The following PYROXD1 variants were observed in gnomAD, a reference collection of about 807,000 sequenced individuals.
PYROXD1 encodes the protein tRNA ligase complex-associated NAD(P)H dehydrogenase PYROXD1.
Under a neutral mutation model 62.0 loss-of-function variants are expected in PYROXD1, and 42 were observed. That is an observed-to-expected ratio of 0.68 (90% CI 0.53 to 0.88). PYROXD1 has a LOEUF of 0.88. PYROXD1 is among the 40% of genes least tolerant of loss of function. PYROXD1 has a pLI of 0.00. For missense variants in PYROXD1, 493 were observed against 604.8 expected (o/e 0.82, Z 1.94); for synonymous variants, 170 against 206.4 (o/e 0.82, Z 1.51).
intron 2 of PYROXD1, among the ~76,000 whole-genome samples, chr12:21,444,608 A>G (rs73071793): frequency 0.02 from 3,053 of 152,306 alleles, 37 homozygotes; most frequent in Middle Eastern, 0.051. Flanking sequence ...GATCTATTCT[A>G]TGATCCTTAA....
At chr12:21,456,745 G>A (rs1353860047) in intron 7 of PYROXD1, 12 of 350,904 alleles carry the variant, frequency 3.4e-5, no homozygotes, top group Middle Eastern at 5.4e-4. Context: ...TCTCTGTAGC[G>A]TGCGAAGCTG....
intron 3 of PYROXD1, chr12:21,448,173 C>T: frequency 3.0e-6 from 2 of 665,482 alleles, no homozygotes; most frequent in Non-Finnish European, 5.7e-6. Context: ...TTTCACATAC[C>T]TGGCATCAGG....
chr12:21,463,031 G>A (rs1449247404), intron 10 of PYROXD1, among the ~76,000 whole-genome samples, 169 bp downstream of exon 10: 1 of 152,082 alleles, frequency 6.6e-6, no homozygotes, highest in African/African-American at 2.4e-5. Context: ...TCCCTGTTTG[G>A]TAAGTTATCA....
chr12:21,467,902 TTCATCCTTTCTTTGTGAG>T (rs984931462), intron 11 of PYROXD1, among the ~76,000 whole-genome samples: 6 of 151,954 alleles, frequency 3.9e-5, no homozygotes, highest in African/African-American at 1.5e-4. Context: ...TTACTTGTGA[TTCATCCTTTCTTTGTGAG>T]GGGAACTAAC....
chr12:21,467,923 GAACT>G lies in PYROXD1; in HGVS notation c.1254+310_1254+313del, dbSNP rs980558378. ...GTGATTCATCCTTTCTTTGTGAGGG[GAACT>G]AACTGCTGTTGTACTCAAAAATAAA... On this transcript the variant is annotated intron_variant, in intron 11 of 11. Coordinates refer to ENST00000240651, the MANE Select transcript of PYROXD1 (RefSeq NM_024854.5). Among the ~76,000 whole-genome samples the G allele has an allele frequency of 1.8e-4, 28 of 151,552 alleles. No individual in the cohort carries two copies. In the South Asian group the frequency reaches 5.2e-3, roughly 28 times the overall value.
intron 7 of PYROXD1, 139 bp downstream of exon 7, chr12:21,456,234 C>T (rs113568722): frequency 1.7e-6 from 1 of 590,134 alleles, no homozygotes; most frequent in Non-Finnish European, 3.0e-6. Flanking sequence ...AGGAAAAGAC[C>T]TCCAATGCAG....
chr12:21,443,624 A>G (rs1337478903), intron 2 of PYROXD1, among the ~76,000 whole-genome samples: 1 of 152,222 alleles, frequency 6.6e-6, no homozygotes, highest in Non-Finnish European at 1.5e-5. Flanking sequence ...TATAAATGTT[A>G]TAAAGCCTAT....
chr12:21,449,137 C>T (rs1219189592), intron 3 of PYROXD1, among the ~76,000 whole-genome samples: 1 of 152,108 alleles, frequency 6.6e-6, no homozygotes, highest in African/African-American at 2.4e-5. Context: ...ACAGTAACTT[C>T]CCTTGAGATC....
Position 21,468,501 on chromosome 12 carries a change from T to C in PYROXD1, c.1255-5T>C, listed in dbSNP as rs1186786871. 1.2e-6 allele frequency: 2 copies of C among 1,608,720 alleles called. No homozygotes were observed. Among genetic ancestry groups the C allele is most frequent in the African/African-American group, 2.7e-5 (2 of 74,746 alleles). ...TGACAATAACCTTTTTATCTCTAAA[T>C]ATAGGTTGTACTGCTGGGAAAATAC... is the stretch of plus-strand genomic sequence containing the variant. On this transcript the variant is annotated splice_region_variant and splice_polypyrimidine_tract_variant and intron_variant, in intron 11 of 11. Transcript: ENST00000240651.
chr12:21,466,529 T>C (rs1942797829), intron 10 of PYROXD1, among the ~76,000 whole-genome samples: 1 of 152,234 alleles, frequency 6.6e-6, no homozygotes, highest in African/African-American at 2.4e-5. Flanking sequence ...TCCTGAGACT[T>C]TGCTGAAGTT....
intron 10 of PYROXD1, among the ~76,000 whole-genome samples, chr12:21,465,554 T>C (rs558333629): frequency 1.3e-5 from 2 of 152,218 alleles, no homozygotes; most frequent in South Asian, 4.2e-4. Flanking sequence ...TCATTGTAGA[T>C]TCTGGATATT....
intron 10 of PYROXD1, among the ~76,000 whole-genome samples, chr12:21,464,204 GA>G (rs1172244387): frequency 5.4e-5 from 8 of 147,320 alleles, no homozygotes; most frequent in South Asian, 4.3e-4. Context: ...TAATCTGAAA[GA>G]GGGGAAAAAA....
chr12:21,455,445 A>G (rs988783208), intron 6 of PYROXD1, among the ~76,000 whole-genome samples, 153 bp downstream of exon 6: 1 of 131,388 alleles, frequency 7.6e-6, no homozygotes, highest in African/African-American at 2.8e-5. Context: ...TTTCTATTTT[A>G]TATATATGTA....
chr12:21,443,227 T>C (rs1942328872), intron 2 of PYROXD1, among the ~76,000 whole-genome samples: 1 of 152,216 alleles, frequency 6.6e-6, no homozygotes, highest in Non-Finnish European at 1.5e-5. Flanking sequence ...ATTCTTTTTC[T>C]CCATTTTCCT....
At chr12:21,449,254 A>G (rs763497222) in intron 3 of PYROXD1, among the ~76,000 whole-genome samples, 2 of 152,156 alleles carry the variant, frequency 1.3e-5, no homozygotes, top group Admixed American at 6.5e-5. Context: ...TTCAACCAAC[A>G]TGGGATTCCC....
chr12:21,467,110 T>C (rs1942809361), intron 10 of PYROXD1, among the ~76,000 whole-genome samples: 2 of 152,056 alleles, frequency 1.3e-5, no homozygotes, highest in African/African-American at 2.4e-5. Flanking sequence ...TGCTGGAAAA[T>C]AGAACAAATT....
At chr12:21,458,871 T>G (rs1292359726) in intron 7 of PYROXD1, among the ~76,000 whole-genome samples, 1 of 152,086 alleles carries the variant, frequency 6.6e-6, no homozygotes, top group Admixed American at 6.5e-5. Flanking sequence ...TGATGAAAAC[T>G]GAAATATTGC....
intron 4 of PYROXD1, among the ~76,000 whole-genome samples, chr12:21,451,450 T>A (rs1417789427): frequency 6.6e-6 from 1 of 152,110 alleles, no homozygotes; most frequent in East Asian, 1.9e-4. Flanking sequence ...ATAACATTTT[T>A]TTTTTTAGTA....
At chr12:21,455,715 T>C (rs1013545914) in intron 6 of PYROXD1, among the ~76,000 whole-genome samples, 3 of 151,896 alleles carry the variant, frequency 2.0e-5, no homozygotes, top group African/African-American at 7.2e-5. Flanking sequence ...ATTATAAAAA[T>C]TTGAAGGCTA....
Sources: gnomAD v4.1 joint callset for allele counts (sites outside exome capture counted in the v4.1 genomes callset) on GRCh38, gnomAD v4.1.1 for gene constraint, MANE v1.5 for transcripts, NCBI Gene and HGNC (gene_info 2026-07-23, HGNC 2026-07-21) for gene names.